Variants in C6orf89 observed in about 807,000 individuals in gnomAD.
The protein encoded by C6orf89 is chromosome 6 open reading frame 89, also known as bombesin receptor-activated protein C6orf89.
C6orf89 carries 29 observed loss-of-function variants against 40.7 expected under a neutral mutation model. That is an observed-to-expected ratio of 0.71 (90% CI 0.53 to 0.97). The LOEUF is 0.97. C6orf89 is among the 50% of genes least tolerant of loss of function. The pLI, the probability that C6orf89 is intolerant of heterozygous loss-of-function variation, is 0.00. For missense variants in C6orf89, 392 were observed against 429.1 expected (o/e 0.91, Z 0.76); for synonymous variants, 165 against 152.2 (o/e 1.08, Z -0.62).
At chr6:36,903,830 A>T (rs1468343097) in intron 4 of C6orf89, among the ~76,000 whole-genome samples, 1 of 152,216 alleles carries the variant, frequency 6.6e-6, no homozygotes, top group Non-Finnish European at 1.5e-5. Flanking sequence ...GTAAGACAAG[A>T]ATTCCACCTC....
chr6:36,916,713 T>G, intron 7 of C6orf89, 139 bp downstream of exon 7: 1 of 1,018,258 alleles, frequency 9.8e-7, no homozygotes, highest in Non-Finnish European at 1.4e-6. Flanking sequence ...AGTCTAGTTC[T>G]CCCCTCCTGC....
chr6:36,913,320 A>T (rs1005354353), intron 4 of C6orf89, among the ~76,000 whole-genome samples: 1 of 151,072 alleles, frequency 6.6e-6, no homozygotes, highest in Admixed American at 6.6e-5. Context: ...TGGCGGCCCC[A>T]CCCCCTCCTG....
chr6:36,919,653 C>G lies in C6orf89; in HGVS notation c.901C>G (p.Arg301Gly), dbSNP rs763594458. The change falls in exon 8 of 9, where the codon CGA (arginine) becomes GGA (glycine). Residue 301 changes from arginine to glycine, a missense_variant. Physicochemically the swap from Arg to Gly is moderately radical, Grantham distance 125. Transcript: ENST00000480824. ...MLQLIPPFQC[R>G]RHCQSVAMPI... is the part of the protein sequence containing the mutation. ...GCAGCTCATCCCTCCCTTCCAGTGC[C>G]GAAGACATTGTCAGTCTGTGGCCAT... The G allele has an allele frequency of 1.2e-6, 2 of 1,614,082 alleles. No homozygotes were observed. Among genetic ancestry groups the G allele is most frequent in the South Asian group, 2.2e-5 (2 of 91,078 alleles).
At chr6:36,889,416 G>C (rs371237490) in intron 1 of C6orf89, among the ~76,000 whole-genome samples, 15 of 152,158 alleles carry the variant, frequency 9.9e-5, no homozygotes, top group African/African-American at 3.6e-4. Context: ...GCTTTCCTCT[G>C]AAGGGAGGGA....
chr6:36,909,723 C>G (rs1309974142), intron 4 of C6orf89, among the ~76,000 whole-genome samples: 2 of 147,818 alleles, frequency 1.4e-5, no homozygotes, highest in African/African-American at 5.0e-5. Context: ...GTCAAGGCCA[C>G]AGTGAGCCGT....
chr6:36,878,180 T>G lies in C6orf89; in HGVS notation c.-627-828T>G, dbSNP rs76362019. Among the ~76,000 whole-genome samples, 104 of 152,362 alleles carry G rather than the reference T, an allele frequency of 6.8e-4. 3 individuals carry two copies. The East Asian group carries it at 0.018, about 26-fold the overall frequency. ...AGCACCATTGATTGAAAGCATTATC[T>G]TTTCCTCACTCCTCTGTTTCACCTC... On this transcript the variant is annotated intron_variant, in intron 1 of 9. Transcript: ENST00000359359.
At chr6:36,878,467 C>T (rs1330201814) in intron 1 of C6orf89, among the ~76,000 whole-genome samples, 1 of 152,198 alleles carries the variant, frequency 6.6e-6, no homozygotes, top group Non-Finnish European at 1.5e-5. Flanking sequence ...AAGTTAACCT[C>T]TCCATAAACT....
chr6:36,890,170 A>G (rs4714022), intron 1 of C6orf89, among the ~76,000 whole-genome samples: 16,034 of 152,160 alleles, frequency 0.11, 944 homozygotes, highest in Admixed American at 0.13. Flanking sequence ...CATAAGACCT[A>G]CCTTCTTAGC....
intron 1 of C6orf89, among the ~76,000 whole-genome samples, chr6:36,891,002 A>G (rs958561819): frequency 2.6e-5 from 4 of 151,220 alleles, no homozygotes; most frequent in African/African-American, 9.7e-5. Context: ...TTTTCTTTTT[A>G]TTATTATTAT....
At chr6:36,896,740 A>G (rs1017122113) in intron 2 of C6orf89, among the ~76,000 whole-genome samples, 1 of 152,144 alleles carries the variant, frequency 6.6e-6, no homozygotes, top group Non-Finnish European at 1.5e-5. Flanking sequence ...TCCCAGAATC[A>G]TGAAGCCTCC....
At chr6:36,908,397 G>A (rs1762002467) in intron 4 of C6orf89, among the ~76,000 whole-genome samples, 1 of 151,982 alleles carries the variant, frequency 6.6e-6, no homozygotes, top group African/African-American at 2.4e-5. Context: ...ATTTTGACTT[G>A]GAAAGTACAT....
rs534065904 is a variant in C6orf89 at position 36,893,229 on chromosome 6, C to T, written c.-119-1275C>T. On this transcript the variant is annotated intron_variant, in intron 1 of 8. Transcript: ENST00000480824. ...GATTACAGGCGTGAGCCACCGCGCCCGGCCTTGATTTTTTTTTTTTTAAGG... is the reference window on the plus strand; with the variant it reads ...GATTACAGGCGTGAGCCACCGCGCCTGGCCTTGATTTTTTTTTTTTTAAGG... 2.2e-3 allele frequency among the ~76,000 whole-genome samples: 332 copies of T among 152,084 alleles called. 4 individuals are homozygous for T. Among genetic ancestry groups the T allele is most frequent in the African/African-American group, 7.3e-3 (301 of 41,504 alleles).
At chr6:36,877,702 T>C (rs563626318) in intron 1 of C6orf89, among the ~76,000 whole-genome samples, 1 of 152,342 alleles carries the variant, frequency 6.6e-6, no homozygotes, top group South Asian at 2.1e-4. Context: ...AGCCAACTCT[T>C]AGTATTGCTA....
At chr6:36,886,059 G>T in intron 1 of C6orf89, 31 bp downstream of exon 1, 1 of 1,201,546 alleles carries the variant, frequency 8.3e-7, no homozygotes, top group South Asian at 3.7e-5. Context: ...GCTGGGTGGG[G>T]GGAGGCCGCC....
chr6:36,918,075 T>TCCCTGGGCCCTGGG (rs372094547), intron 7 of C6orf89, among the ~76,000 whole-genome samples: 1 of 152,152 alleles, frequency 6.6e-6, no homozygotes, highest in Non-Finnish European at 1.5e-5. Flanking sequence ...GTTGTCCACA[T>TCCCTGGGCCCTGGG]CCCTGGGCCC....
At chr6:36,872,100 AAAT>A in intron 1 of C6orf89, 1 of 369,884 alleles carries the variant, frequency 2.7e-6, no homozygotes, top group Non-Finnish European at 4.8e-6. Context: ...CTTTTCAGCA[AAAT>A]AACAAGCATG....
intron 4 of C6orf89, among the ~76,000 whole-genome samples, chr6:36,913,564 C>A (rs767203096): frequency 6.6e-6 from 1 of 152,224 alleles, no homozygotes; most frequent in Non-Finnish European, 1.5e-5. Flanking sequence ...ACCCTTCTAT[C>A]CACACCAGCC....
At chr6:36,898,160 G>A (rs1317365612) in intron 2 of C6orf89, among the ~76,000 whole-genome samples, 1 of 151,792 alleles carries the variant, frequency 6.6e-6, no homozygotes, top group Non-Finnish European at 1.5e-5. Flanking sequence ...ATAGCTCACT[G>A]CAGCCTCAAA....
Position 36,919,670 on chromosome 6 carries a change from T to C in C6orf89, c.918T>C (p.Ser306=). 1 of 1,614,090 alleles carries C rather than the reference T, an allele frequency of 6.2e-7. No homozygotes were observed. Among genetic ancestry groups the C allele is most frequent in the Non-Finnish European group, 8.5e-7 (1 of 1,179,924 alleles). ...PPFQCRRHCQ[S]VAMPIEPGDI... ...TCCAGTGCCGAAGACATTGTCAGTCTGTGGCCATGCCAATAGAGCCAGGGG... is the reference window on the plus strand; with the variant it reads ...TCCAGTGCCGAAGACATTGTCAGTCCGTGGCCATGCCAATAGAGCCAGGGG... Residue 306 remains serine, a synonymous_variant, in exon 8 of 9, where the codon TCT becomes TCC. Coordinates refer to ENST00000480824, the MANE Select transcript of C6orf89 (RefSeq NM_001286635.2).
Sources: gnomAD v4.1 joint callset for allele counts (sites outside exome capture counted in the v4.1 genomes callset) on GRCh38, gnomAD v4.1.1 for gene constraint, MANE v1.5 for transcripts, NCBI Gene and HGNC (gene_info 2026-07-23, HGNC 2026-07-21) for gene names.